The following LEKR1 variants were observed in gnomAD, a reference collection of about 807,000 sequenced individuals.
LEKR1 encodes leucine, glutamate and lysine rich 1, also known as protein LEKR1.
In LEKR1, 59 loss-of-function variants were observed where a neutral mutation model predicts 72.4. That is an observed-to-expected ratio of 0.82 (90% CI 0.66 to 1.01). LEKR1 has a LOEUF of 1.01. LEKR1 is among the 50% of genes least tolerant of loss of function. The probability of loss-of-function intolerance (pLI) is 0.00; values close to 1 mark genes in which losing one functional copy is unlikely to be tolerated. For missense variants in LEKR1, 728 were observed against 759.2 expected (o/e 0.96, Z 0.48); for synonymous variants, 257 against 263.2 (o/e 0.98, Z 0.23).
chr3:156,899,762 A>G (rs564633902), intron 3 of LEKR1, among the ~76,000 whole-genome samples: 57 of 128,834 alleles, frequency 4.4e-4, no homozygotes, highest in African/African-American at 1.4e-3. Context: ...ATACACATAT[A>G]CATGCATATA....
intron 2 of LEKR1, among the ~76,000 whole-genome samples, chr3:156,849,160 G>A (rs1198961016): frequency 1.3e-5 from 2 of 152,094 alleles, no homozygotes; most frequent in Non-Finnish European, 2.9e-5. Flanking sequence ...ATTCACAATT[G>A]CTTCAAAGAG....
intron 10 of LEKR1, among the ~76,000 whole-genome samples, chr3:157,023,487 G>A (rs974673550): frequency 1.3e-5 from 2 of 152,186 alleles, no homozygotes; most frequent in African/African-American, 4.8e-5. Context: ...GAGGCACCCA[G>A]CAGTCAGTCA....
chr3:156,828,048 G>A (rs1269472895), intron 1 of LEKR1, among the ~76,000 whole-genome samples: 1 of 152,204 alleles, frequency 6.6e-6, no homozygotes. Context: ...TTATGTTTGG[G>A]CTTATGTTGA....
intron 6 of LEKR1, among the ~76,000 whole-genome samples, chr3:156,971,022 G>T (rs1318435085): frequency 2.0e-5 from 3 of 151,582 alleles, no homozygotes; most frequent in African/African-American, 2.4e-5. Context: ...AAAAGAGCCC[G>T]CATCGCCAAG....
intron 3 of LEKR1, among the ~76,000 whole-genome samples, chr3:156,855,638 G>A (rs888110607): frequency 6.6e-6 from 1 of 152,068 alleles, no homozygotes; most frequent in Admixed American, 6.6e-5. Flanking sequence ...GTTCTGGTTG[G>A]TTAAGAGTTT....
At chr3:156,916,357 A>G (rs995958364) in intron 3 of LEKR1, among the ~76,000 whole-genome samples, 4 of 151,996 alleles carry the variant, frequency 2.6e-5, no homozygotes, top group Non-Finnish European at 4.4e-5. Context: ...GGTGGTATGG[A>G]CATTTTAATG....
intron 6 of LEKR1, chr3:156,977,479 G>C (rs1430029279): frequency 2.2e-6 from 1 of 450,374 alleles, no homozygotes; most frequent in Admixed American, 2.8e-5. Flanking sequence ...AACAAGCATT[G>C]TTGCAAGAGA....
chr3:156,893,803 C>G (rs946312969), intron 3 of LEKR1, among the ~76,000 whole-genome samples: 1 of 152,150 alleles, frequency 6.6e-6, no homozygotes, highest in Non-Finnish European at 1.5e-5. Context: ...CATAATATAG[C>G]ATCTCCAGGT....
chr3:156,966,535 C>G lies in LEKR1; in HGVS notation c.746-12659C>G, dbSNP rs976846902. On this transcript the variant is annotated intron_variant, in intron 6 of 12. Transcript: ENST00000356539. The stretch of plus-strand genomic sequence containing the variant: ...CCCATGGAGCCTCGCTCATTGCTAG[C>G]ACAGCAGTCTGAGATCAAACTGCAA... 1.2e-4 allele frequency among the ~76,000 whole-genome samples: 18 copies of G among 152,302 alleles called. No homozygotes were observed. In the Middle Eastern group the frequency reaches 0.014, roughly 115 times the overall value.
intron 4 of LEKR1, among the ~76,000 whole-genome samples, chr3:156,925,841 G>T (rs1355095842): frequency 6.6e-6 from 1 of 152,018 alleles, no homozygotes; most frequent in African/African-American, 2.4e-5. Context: ...GTAAGGGAAA[G>T]TTGGCTTAGG....
intron 7 of LEKR1, among the ~76,000 whole-genome samples, chr3:156,987,885 T>C (rs1220120478): frequency 6.6e-6 from 1 of 152,168 alleles, no homozygotes; most frequent in African/African-American, 2.4e-5. Context: ...AACAAGGCAA[T>C]CTTCAAGCAA....
Position 156,878,100 on chromosome 3 carries a change from C to CT in LEKR1, c.263+25128dup, listed in dbSNP as rs534666633. 6.7e-4 allele frequency among the ~76,000 whole-genome samples: 99 copies of CT among 148,220 alleles called. No homozygotes were observed. The East Asian group carries it at 0.012, about 17-fold the overall frequency. On this transcript the variant is annotated intron_variant, in intron 3 of 12. Coordinates refer to ENST00000356539, the MANE Select transcript of LEKR1 (RefSeq NM_001004316.3). ...TGCCCAGCCTCATTTATCTTTTTTA[C>CT]TTTTTTTTTTGTTTAAATTTCATTT...
At chr3:156,841,505 C>T (rs1713904161) in intron 2 of LEKR1, among the ~76,000 whole-genome samples, 1 of 152,042 alleles carries the variant, frequency 6.6e-6, no homozygotes, top group Admixed American at 6.5e-5. Context: ...GTGGGGACAC[C>T]AAAAGAGGCT....
chr3:157,035,967 T>A (rs1168589131), intron 12 of LEKR1, among the ~76,000 whole-genome samples: 3 of 152,110 alleles, frequency 2.0e-5, no homozygotes, highest in African/African-American at 2.4e-5. Flanking sequence ...AATGGCTATA[T>A]CCATGTTCAG....
Position 156,893,674 on chromosome 3 carries a change from T to C in LEKR1, c.264-26901T>C, listed in dbSNP as rs534855351. On this transcript the variant is annotated intron_variant, in intron 3 of 12. Coordinates refer to ENST00000356539, the MANE Select transcript of LEKR1 (RefSeq NM_001004316.3). ...CCTTTGCTTTCGCCTTGACTGTAAG[T>C]TTCTTGATGCCCTTACCAGAAGTAG... Among the ~76,000 whole-genome samples, 10 of 152,290 alleles carry C rather than the reference T, an allele frequency of 6.6e-5. No homozygotes were observed. The South Asian group carries it at 2.1e-3, about 32-fold the overall frequency.
At chr3:157,024,311 A>G (rs1302072113) in intron 10 of LEKR1, among the ~76,000 whole-genome samples, 3 of 152,156 alleles carry the variant, frequency 2.0e-5, no homozygotes, top group African/African-American at 7.2e-5. Context: ...GTGACTTCAA[A>G]ACTTCTATGA....
At chr3:156,902,502 A>G (rs1406436069) in intron 3 of LEKR1, among the ~76,000 whole-genome samples, 1 of 152,140 alleles carries the variant, frequency 6.6e-6, no homozygotes, top group East Asian at 1.9e-4. Context: ...TTTATTATTC[A>G]GGGTATTTAG....
intron 3 of LEKR1, among the ~76,000 whole-genome samples, chr3:156,893,595 G>A (rs1166541825): frequency 6.6e-6 from 1 of 152,066 alleles, no homozygotes; most frequent in Non-Finnish European, 1.5e-5. Context: ...GTTTAAAAGT[G>A]TGTGGCATCC....
chr3:156,884,251 G>A (rs1242960614), intron 3 of LEKR1, among the ~76,000 whole-genome samples: 1 of 152,114 alleles, frequency 6.6e-6, no homozygotes, highest in Non-Finnish European at 1.5e-5. Context: ...TTTAGGTGGT[G>A]CATTTAGTCC....
Sources: allele counts gnomAD v4.1 joint callset (sites outside exome capture counted in the v4.1 genomes callset), GRCh38; gene constraint gnomAD v4.1.1; transcripts MANE v1.5; gene names NCBI Gene and HGNC (gene_info 2026-07-23, HGNC 2026-07-21).